The following STX8 variants were observed in gnomAD, a reference collection of about 807,000 sequenced individuals.
STX8 encodes the protein syntaxin 8, also known as syntaxin-8.
In STX8, 23 loss-of-function variants were observed where a neutral mutation model predicts 37.5. That is an observed-to-expected ratio of 0.61 (90% CI 0.44 to 0.87). STX8 has a LOEUF of 0.87. Among genes scored for constraint, STX8 ranks in the 40% least tolerant of loss-of-function variants. STX8 has a pLI of 0.00. For synonymous variants in STX8, 115 were observed against 99.1 expected, an observed-to-expected ratio of 1.16 and a Z score of -0.95; for missense variants, 313 against 284.7, an observed-to-expected ratio of 1.10 and a Z score of -0.71.
At chr17:9,541,941 G>A (rs1249071336) in intron 4 of STX8, among the ~76,000 whole-genome samples, 2 of 151,656 alleles carry the variant, frequency 1.3e-5, no homozygotes, top group South Asian at 2.1e-4. Context: ...CAGCCTTACT[G>A]CTGCCCAGGC....
chr17:9,370,827 A>C (rs1911379568), intron 7 of STX8, among the ~76,000 whole-genome samples: 1 of 152,070 alleles, frequency 6.6e-6, no homozygotes, highest in South Asian at 2.1e-4. Context: ...CAAAGATCCT[A>C]CTTTTATGTA....
At chr17:9,491,986 T>TAC (rs768620072) in intron 5 of STX8, 65 bp from the exon 6 acceptor site, 49 of 1,117,520 alleles carry the variant, frequency 4.4e-5, no homozygotes, top group Non-Finnish European at 6.1e-5. Context: ...TCCATAAGTA[T>TAC]ACCCAGGCAT....
At chr17:9,255,599 T>C (rs1906765831) in intron 7 of STX8, among the ~76,000 whole-genome samples, 1 of 150,884 alleles carries the variant, frequency 6.6e-6, no homozygotes, top group East Asian at 1.9e-4. Context: ...AAAATGAACT[T>C]GAGTGATGGA....
At position 9,545,419 on chromosome 17, in the gene STX8, CTT is replaced by C. The variant is rs947218566; in HGVS notation, c.213-139_213-138del. On this transcript the variant is annotated intron_variant, in intron 3 of 7. Transcript: ENST00000306357. ...CTACCCAGAAGGGATGCGCACCACT[CTT>C]GCGTTTTTCCTGCTCTGACCTTCAC... 8 of 631,726 alleles carry C rather than the reference CTT, an allele frequency of 1.3e-5. No homozygotes were observed. The African/African-American group carries it at 1.5e-4, about 12-fold the overall frequency. The allele number at this position is 631,726 out of a possible 1,614,324, so 39.1% of individuals were successfully genotyped here. A position where few individuals can be genotyped will look rare whatever the true frequency, so the allele number is the denominator to read the frequency against.
At chr17:9,566,505 G>A (rs1907466570) in intron 2 of STX8, among the ~76,000 whole-genome samples, 2 of 152,206 alleles carry the variant, frequency 1.3e-5, no homozygotes, top group Admixed American at 1.3e-4. Context: ...ACATGCATGT[G>A]GCCAGGTGGG....
intron 6 of STX8, among the ~76,000 whole-genome samples, chr17:9,385,815 T>C (rs1911981499): frequency 6.6e-6 from 1 of 152,230 alleles, no homozygotes; most frequent in Non-Finnish European, 1.5e-5. Flanking sequence ...ATTACCACCC[T>C]GGAGCTGGAG....
At position 9,386,083 on chromosome 17, in the gene STX8, C is replaced by T. The variant is rs1050271416; in HGVS notation, c.542-7430G>A. On this transcript the variant is annotated intron_variant, in intron 6 of 7. Coordinates refer to ENST00000306357, the MANE Select transcript of STX8 (RefSeq NM_004853.3). ...GGCTCACTCCTAGGTATTTACCAAA[C>T]GGAAATAAAAGCCTATTTCTCAAAA... 9.2e-5 allele frequency among the ~76,000 whole-genome samples: 12 copies of T among 130,394 alleles called. No homozygotes were observed. In the East Asian group the frequency reaches 1.8e-3, roughly 20 times the overall value. The allele number at this position is 130,394 out of a possible 152,430, so 85.5% of individuals were successfully genotyped here.
chr17:9,508,833 G>A (rs1015232323), intron 4 of STX8, among the ~76,000 whole-genome samples: 1 of 152,208 alleles, frequency 6.6e-6, no homozygotes, highest in African/African-American at 2.4e-5. Flanking sequence ...AACTTCCCAA[G>A]TCTTGGGAGC....
intron 7 of STX8, among the ~76,000 whole-genome samples, chr17:9,301,569 A>T (rs539567320): frequency 4.7e-5 from 7 of 150,388 alleles, no homozygotes; most frequent in African/African-American, 1.2e-4. Context: ...TGCAAGCTCC[A>T]CCTCCCGCGT....
intron 7 of STX8, among the ~76,000 whole-genome samples, chr17:9,308,515 G>C (rs1909080087): frequency 2.0e-5 from 3 of 152,080 alleles, no homozygotes; most frequent in African/African-American, 7.2e-5. Flanking sequence ...ATGAGGTCAG[G>C]AGTTCGAGAC....
intron 1 of STX8, among the ~76,000 whole-genome samples, chr17:9,574,459 C>A (rs1245829678): frequency 6.6e-6 from 1 of 151,668 alleles, no homozygotes; most frequent in East Asian, 1.9e-4. Context: ...TTCCTTTTTG[C>A]AAATTTTCAA....
At chr17:9,573,837 A>G (rs1907787618) in intron 1 of STX8, among the ~76,000 whole-genome samples, 1 of 152,172 alleles carries the variant, frequency 6.6e-6, no homozygotes, top group Non-Finnish European at 1.5e-5. Flanking sequence ...ACTTCTAGAC[A>G]GGGAGCCCAA....
intron 7 of STX8, among the ~76,000 whole-genome samples, chr17:9,296,545 A>C (rs1240307547): frequency 6.6e-6 from 1 of 151,740 alleles, no homozygotes; most frequent in African/African-American, 2.4e-5. Flanking sequence ...AAATGTTATG[A>C]CATGATTAAT....
intron 7 of STX8, among the ~76,000 whole-genome samples, chr17:9,257,694 AAC>A (rs912233939): frequency 3.3e-4 from 50 of 152,218 alleles, no homozygotes; most frequent in African/African-American, 1.2e-3. Context: ...CTTGAACCAA[AAC>A]ACATATTCTG....
intron 7 of STX8, among the ~76,000 whole-genome samples, chr17:9,274,994 G>A (rs1048804436): frequency 2.6e-5 from 4 of 151,668 alleles, no homozygotes; most frequent in East Asian, 2.0e-4. Flanking sequence ...CAAGTAATCC[G>A]CCCGCCTTGG....
chr17:9,558,439 G>A (rs1252575406), intron 2 of STX8, among the ~76,000 whole-genome samples: 8 of 152,040 alleles, frequency 5.3e-5, no homozygotes, highest in Non-Finnish European at 7.3e-5. Context: ...CAGCAGCCAA[G>A]AAAAGTCTAA....
At chr17:9,419,379 TTTGA>T (rs1328429873) in intron 6 of STX8, among the ~76,000 whole-genome samples, 2 of 152,186 alleles carry the variant, frequency 1.3e-5, no homozygotes, top group African/African-American at 2.4e-5. Context: ...CATTAATTGC[TTTGA>T]TTTAGAATTA....
intron 6 of STX8, among the ~76,000 whole-genome samples, chr17:9,458,477 T>G (rs1427204362): frequency 6.6e-6 from 1 of 152,164 alleles, no homozygotes; most frequent in African/African-American, 2.4e-5. Context: ...CACAGGAGAG[T>G]TGAGTTGAAA....
intron 3 of STX8, among the ~76,000 whole-genome samples, chr17:9,550,059 TAA>T (rs997944114): frequency 6.6e-6 from 1 of 151,844 alleles, no homozygotes; most frequent in Non-Finnish European, 1.5e-5. Flanking sequence ...CCATCTGTAC[TAA>T]AAAAATACAA....
Sources: allele counts gnomAD v4.1 joint callset (sites outside exome capture counted in the v4.1 genomes callset), GRCh38; gene constraint gnomAD v4.1.1; transcripts MANE v1.5; gene names NCBI Gene and HGNC (gene_info 2026-07-23, HGNC 2026-07-21).